The following DOCK3 variants were observed in gnomAD, a reference collection of about 807,000 sequenced individuals.
The protein encoded by DOCK3 is dedicator of cytokinesis protein 3.
DOCK3 carries 60 observed loss-of-function variants against 265.6 expected under a neutral mutation model. The ratio of observed to expected loss-of-function variants is 0.23; its 90% CI spans 0.18 to 0.28. DOCK3 has a LOEUF of 0.28. Among genes scored for constraint, DOCK3 ranks in the 10% least tolerant of loss-of-function variants. The pLI is 1.00. For synonymous variants in DOCK3, 881 were observed against 938.0 expected (o/e 0.94, Z 1.11); for missense variants, 1,981 against 2,594.3 (o/e 0.76, Z 5.14).
chr3:51,097,815 G>A (rs1560058279), intron 9 of DOCK3, among the ~76,000 whole-genome samples: 1 of 152,166 alleles, frequency 6.6e-6, no homozygotes, highest in Non-Finnish European at 1.5e-5. Context: ...GGGCCAGAGT[G>A]CACTGTCCCT....
chr3:50,687,102 C>T (rs750556202), intron 1 of DOCK3, among the ~76,000 whole-genome samples: 4 of 147,846 alleles, frequency 2.7e-5, no homozygotes, highest in African/African-American at 5.0e-5. Context: ...CCCAGCTACT[C>T]GGGAGGCTGA....
At chr3:51,256,140 A>AG (rs2079531993) in intron 22 of DOCK3, among the ~76,000 whole-genome samples, 2 of 152,192 alleles carry the variant, frequency 1.3e-5, no homozygotes, top group African/African-American at 4.8e-5. Context: ...GGTCCACTCC[A>AG]GACCCTGTTT....
chr3:51,016,944 A>T (rs1338987014), intron 5 of DOCK3, among the ~76,000 whole-genome samples: 1 of 36,282 alleles, frequency 2.8e-5, no homozygotes, highest in East Asian at 9.6e-4. Context: ...AATATATGTT[A>T]TATATAATAT....
chr3:51,055,270 G>A (rs1304033699), intron 5 of DOCK3, among the ~76,000 whole-genome samples: 1 of 152,156 alleles, frequency 6.6e-6, no homozygotes, highest in Non-Finnish European at 1.5e-5. Context: ...AGGGTTGGGG[G>A]TAAAGGGGGA....
At chr3:51,369,068 T>C (rs2087476279) in intron 49 of DOCK3, among the ~76,000 whole-genome samples, 1 of 152,146 alleles carries the variant, frequency 6.6e-6, no homozygotes, top group Non-Finnish European at 1.5e-5. Context: ...CAAAGGTAGA[T>C]AAAACCACAA....
At chr3:51,167,812 G>A (rs1272224769) in intron 12 of DOCK3, among the ~76,000 whole-genome samples, 1 of 151,904 alleles carries the variant, frequency 6.6e-6, no homozygotes. Context: ...CTACTTTACC[G>A]AATTTTATTC....
chr3:51,073,314 A>C (rs1252544280), intron 6 of DOCK3, among the ~76,000 whole-genome samples: 2 of 27,564 alleles, frequency 7.3e-5, no homozygotes, highest in Non-Finnish European at 1.2e-4. Context: ...CTGCAAAATT[A>C]TCTTTATGTC....
chr3:50,999,286 C>T (rs1413707424), intron 5 of DOCK3, among the ~76,000 whole-genome samples: 3 of 152,222 alleles, frequency 2.0e-5, no homozygotes, highest in Non-Finnish European at 2.9e-5. Flanking sequence ...AGAGAGGGTT[C>T]GTTGAAAGAC....
chr3:50,798,868 G>A (rs748823184), intron 2 of DOCK3, among the ~76,000 whole-genome samples: 3 of 152,094 alleles, frequency 2.0e-5, no homozygotes, highest in African/African-American at 4.8e-5. Context: ...TTACATTTAG[G>A]TTTTTGATTT....
At position 51,254,385 on chromosome 3, in the gene DOCK3, A is replaced by G. The variant is rs185315935; in HGVS notation, c.2185-5771A>G. Among the ~76,000 whole-genome samples the G allele has an allele frequency of 3.3e-5, 5 of 152,224 alleles. No individual in the cohort carries two copies. In the East Asian group the frequency reaches 7.7e-4, roughly 24 times the overall value. ...AGTTCTATAAATGTCTATTAGGTCC[A>G]CTTGGTGCAGAGCTGAGTTCAGTTC... is the stretch of plus-strand genomic sequence containing the variant. On this transcript the variant is annotated intron_variant, in intron 22 of 52. Transcript: ENST00000266037.
intron 2 of DOCK3, among the ~76,000 whole-genome samples, chr3:50,800,952 T>C (rs1357743606): frequency 6.6e-6 from 1 of 152,230 alleles, no homozygotes; most frequent in Non-Finnish European, 1.5e-5. Flanking sequence ...TTAGTTTCCA[T>C]GCATTTATAT....
intron 7 of DOCK3, among the ~76,000 whole-genome samples, chr3:51,081,340 G>T (rs901064991): frequency 6.6e-6 from 1 of 152,006 alleles, no homozygotes; most frequent in Non-Finnish European, 1.5e-5. Flanking sequence ...CCAACACCAC[G>T]CACTGAACAT....
At position 51,381,670 on chromosome 3, in the gene DOCK3, TC is replaced by T. The variant is rs1366017893; in HGVS notation, c.*112del. On this transcript the variant is annotated 3_prime_UTR_variant, in exon 53 of 53. Transcript: ENST00000266037. This position sits in a 1 kb window ranked among gnomAD's most constrained non-coding sequence, Gnocchi z 5.6. ...CCCAGGGAGCCAGAGAGGCTTGCAC[TC>T]AGGAGAGAACCACCCCCAAGTCTCC... The T allele has an allele frequency of 1.4e-6, 2 of 1,393,322 alleles. No individual in the cohort carries two copies. The highest frequency in any genetic ancestry group is 1.9e-6 in the Non-Finnish European group (2 of 1,064,200). 86.3% of individuals were successfully genotyped at this position (1,393,322 alleles called of 1,614,324 possible).
intron 32 of DOCK3, among the ~76,000 whole-genome samples, chr3:51,324,662 A>G (rs994839669): frequency 1.3e-5 from 2 of 152,228 alleles, no homozygotes; most frequent in African/African-American, 4.8e-5. Context: ...CCTGACTTCA[A>G]ACTATACTAC....
At chr3:51,144,882 A>G (rs2085227870) in intron 9 of DOCK3, among the ~76,000 whole-genome samples, 1 of 152,214 alleles carries the variant, frequency 6.6e-6, no homozygotes, top group African/African-American at 2.4e-5. Context: ...TAAGTAAGTT[A>G]CTTTTGGAAT....
intron 1 of DOCK3, among the ~76,000 whole-genome samples, chr3:50,734,236 T>C (rs1295631442): frequency 6.6e-6 from 1 of 152,178 alleles, no homozygotes; most frequent in Non-Finnish European, 1.5e-5. Context: ...AGGCCAGGCA[T>C]AGTGACTCAT....
At chr3:51,120,973 A>G (rs546304335) in intron 9 of DOCK3, among the ~76,000 whole-genome samples, 1 of 152,202 alleles carries the variant, frequency 6.6e-6, no homozygotes, top group East Asian at 1.9e-4. Context: ...AGGGGAGTGA[A>G]TGGTTCTGTC....
At chr3:51,295,428 C>T (rs1414071084) in intron 27 of DOCK3, among the ~76,000 whole-genome samples, 1 of 152,164 alleles carries the variant, frequency 6.6e-6, no homozygotes, top group Non-Finnish European at 1.5e-5. Context: ...CATGGATCCA[C>T]CCCTATGGCC....
At chr3:50,758,246 C>G (rs1250419964) in intron 1 of DOCK3, among the ~76,000 whole-genome samples, 1 of 150,860 alleles carries the variant, frequency 6.6e-6, no homozygotes, top group Non-Finnish European at 1.5e-5. Context: ...GTTATCCCCC[C>G]CGCCCCAGAG....
Sources: allele counts gnomAD v4.1 joint callset (sites outside exome capture counted in the v4.1 genomes callset), GRCh38; gene constraint gnomAD v4.1.1; non-coding constraint Gnocchi (gnomAD v3.1); transcripts MANE v1.5; gene names NCBI Gene and HGNC (gene_info 2026-07-23, HGNC 2026-07-21).